The following NR6A1 variants were observed in gnomAD, a reference collection of about 807,000 sequenced individuals.
NR6A1 encodes the protein retinoic acid receptor-related testis-associated receptor.
Under a neutral mutation model 59.1 loss-of-function variants are expected in NR6A1, and 7 were observed. The ratio of observed to expected loss-of-function variants is 0.12; its 90% CI spans 0.07 to 0.22. The LOEUF is 0.22. Ranked by LOEUF, NR6A1 falls within the 10% of genes least tolerant of loss-of-function variation. NR6A1 has a pLI of 1.00. For missense variants in NR6A1, 468 were observed against 611.6 expected, an observed-to-expected ratio of 0.77 and a Z score of 2.48; for synonymous variants, 243 against 236.1, an observed-to-expected ratio of 1.03 and a Z score of -0.27.
chr9:124,752,168 C>T (rs984815425), intron 1 of NR6A1, among the ~76,000 whole-genome samples: 3 of 152,096 alleles, frequency 2.0e-5, no homozygotes, highest in Non-Finnish European at 4.4e-5. Context: ...ACTCGGGCTC[C>T]TGAAGCATGA....
chr9:124,671,555 G>C (rs554399504), intron 2 of NR6A1, among the ~76,000 whole-genome samples: 1 of 152,214 alleles, frequency 6.6e-6, no homozygotes, highest in East Asian at 1.9e-4. Context: ...AAGTATTATA[G>C]AATAAAAAGT....
intron 2 of NR6A1, among the ~76,000 whole-genome samples, chr9:124,730,001 T>C (rs921708419): frequency 1.3e-5 from 2 of 151,928 alleles, no homozygotes; most frequent in Non-Finnish European, 2.9e-5. Flanking sequence ...TTAGTAGAGA[T>C]GGGGTTTCTC....
intron 7 of NR6A1, among the ~76,000 whole-genome samples, 168 bp from the exon 8 acceptor site, chr9:124,527,068 G>A (rs997401593): frequency 6.6e-6 from 1 of 150,880 alleles, no homozygotes; most frequent in Non-Finnish European, 1.5e-5. Context: ...ACAGGCCAAC[G>A]TAGCTCATGC....
intron 2 of NR6A1, among the ~76,000 whole-genome samples, chr9:124,612,822 C>CTTTCT: frequency 7.0e-6 from 1 of 142,874 alleles, no homozygotes; most frequent in Non-Finnish European, 1.5e-5. Context: ...TCTTTCTTTT[C>CTTTCT]TTTCTTTCTT....
intron 2 of NR6A1, among the ~76,000 whole-genome samples, chr9:124,573,599 T>C (rs1012800338): frequency 1.3e-5 from 2 of 152,244 alleles, no homozygotes; most frequent in Admixed American, 1.3e-4. Flanking sequence ...ATAGGGCATG[T>C]CTTTCTGACA....
intron 2 of NR6A1, among the ~76,000 whole-genome samples, chr9:124,632,060 G>T (rs771461733): frequency 6.6e-5 from 10 of 152,076 alleles, no homozygotes; most frequent in Non-Finnish European, 1.5e-4. Flanking sequence ...TCTTTACCTA[G>T]CCTATCATTG....
At chr9:124,587,759 G>GA (rs1276087371) in intron 2 of NR6A1, among the ~76,000 whole-genome samples, 2 of 152,200 alleles carry the variant, frequency 1.3e-5, no homozygotes, top group Non-Finnish European at 2.9e-5. Context: ...CGCAAATTAT[G>GA]AAGCTTCAAC....
chr9:124,672,020 T>C (rs1198827964), intron 2 of NR6A1, among the ~76,000 whole-genome samples: 3 of 152,210 alleles, frequency 2.0e-5, no homozygotes, highest in Non-Finnish European at 2.9e-5. Context: ...TCTAGTTTTG[T>C]CTATTTTTGA....
chr9:124,576,312 G>A (rs1411064447), intron 2 of NR6A1, among the ~76,000 whole-genome samples: 2 of 152,030 alleles, frequency 1.3e-5, no homozygotes, highest in South Asian at 2.1e-4. Context: ...TTTCTGAGAC[G>A]GAGTTTCACT....
At chr9:124,708,819 T>C (rs184484935) in intron 2 of NR6A1, among the ~76,000 whole-genome samples, 1 of 152,340 alleles carries the variant, frequency 6.6e-6, no homozygotes, top group African/African-American at 2.4e-5. Context: ...AGTAGTACAC[T>C]GAGTGTTACA....
intron 2 of NR6A1, among the ~76,000 whole-genome samples, chr9:124,716,237 C>A (rs573668265): frequency 6.6e-6 from 1 of 152,172 alleles, no homozygotes; most frequent in African/African-American, 2.4e-5. Context: ...AAAGCCTTTT[C>A]AACAAATGGT....
At chr9:124,694,027 C>T (rs530332206) in intron 2 of NR6A1, among the ~76,000 whole-genome samples, 2 of 152,288 alleles carry the variant, frequency 1.3e-5, no homozygotes, top group South Asian at 4.1e-4. Context: ...CTGGATATCA[C>T]ATCACATTTT....
chr9:124,642,215 A>G (rs963406064), intron 2 of NR6A1, among the ~76,000 whole-genome samples: 4 of 152,032 alleles, frequency 2.6e-5, no homozygotes, highest in African/African-American at 7.2e-5. Context: ...ACGCCCAGCT[A>G]ATTTTTGTAT....
chr9:124,738,223 C>T (rs542001264), intron 1 of NR6A1, among the ~76,000 whole-genome samples: 1 of 152,290 alleles, frequency 6.6e-6, no homozygotes, highest in East Asian at 1.9e-4. Context: ...CACTGTACTC[C>T]AGCCTGGGCA....
At chr9:124,528,687 G>T (rs1005597632) in intron 7 of NR6A1, among the ~76,000 whole-genome samples, 1 of 151,034 alleles carries the variant, frequency 6.6e-6, no homozygotes, top group Non-Finnish European at 1.5e-5. Context: ...GCAATAGAGT[G>T]AGACCCTGTC....
intron 2 of NR6A1, among the ~76,000 whole-genome samples, chr9:124,577,081 T>C (rs1255728946): frequency 6.6e-6 from 1 of 152,052 alleles, no homozygotes; most frequent in Admixed American, 6.5e-5. Flanking sequence ...ACACCAAATG[T>C]AATTGTATTT....
At chr9:124,652,000 G>A (rs1203141019) in intron 2 of NR6A1, among the ~76,000 whole-genome samples, 1 of 151,930 alleles carries the variant, frequency 6.6e-6, no homozygotes, top group East Asian at 1.9e-4. Context: ...AGTAACGGCA[G>A]AATAAAGGAA....
chr9:124,667,684 T>C (rs1024874053), intron 2 of NR6A1, among the ~76,000 whole-genome samples: 5 of 152,204 alleles, frequency 3.3e-5, no homozygotes, highest in South Asian at 2.1e-4. Context: ...AAGAAGGGCA[T>C]AGAAAGCATG....
chr9:124,646,775 T>C (rs961654297), intron 2 of NR6A1, among the ~76,000 whole-genome samples: 9 of 152,158 alleles, frequency 5.9e-5, no homozygotes, highest in Admixed American at 2.0e-4. Context: ...TTGACCTAGA[T>C]GAAACAAACC....
Sources: gnomAD v4.1 joint callset for allele counts (sites outside exome capture counted in the v4.1 genomes callset) on GRCh38, gnomAD v4.1.1 for gene constraint, MANE v1.5 for transcripts, NCBI Gene and HGNC (gene_info 2026-07-23, HGNC 2026-07-21) for gene names.